FCF1: variants seen among roughly 807,000 people sequenced by gnomAD.
FCF1 encodes the protein FCF1 rRNA-processing protein, also known as rRNA-processing protein FCF1 homolog.
FCF1 carries 17 observed loss-of-function variants against 32.5 expected under a neutral mutation model. The observed-to-expected ratio is 0.52, with a 90% CI of 0.36 to 0.78. FCF1 has a LOEUF of 0.78. FCF1 is among the 30% of genes least tolerant of loss of function. The pLI, the probability that FCF1 is intolerant of heterozygous loss-of-function variation, is 0.00. For missense variants in FCF1, 201 were observed against 241.1 expected (o/e 0.83, Z 1.10); for synonymous variants, 84 against 78.4 (o/e 1.07, Z -0.38).
intron 5 of FCF1, among the ~76,000 whole-genome samples, chr14:74,730,529 T>C (rs1431006113): frequency 6.6e-6 from 1 of 151,990 alleles, no homozygotes; most frequent in East Asian, 1.9e-4. Flanking sequence ...GTCTGACCAA[T>C]GTGGTGAAAC....
In FCF1 at chr14:74,738,340, G is replaced by A. The variant is rs778919788; in HGVS notation, c.*3410G>A. 6.6e-6 allele frequency: 1 copy of A among 152,144 alleles called. No individual in the cohort carries two copies. The highest frequency in any genetic ancestry group is 2.4e-5 in the African/African-American group (1 of 41,420). The allele number at this position is 152,144 out of a possible 1,614,324, so 9.4% of individuals were successfully genotyped here. On this transcript the variant is annotated 3_prime_UTR_variant, in exon 8 of 8. Coordinates refer to ENST00000341162, the MANE Select transcript of FCF1 (RefSeq NM_015962.5). Reference sequence around the variant, plus strand: ...TATTTCTAAGCTATGGAAGCATTAGGAAAATAAATGTAAAGAAAAACGTGT... The same window carrying A: ...TATTTCTAAGCTATGGAAGCATTAGAAAAATAAATGTAAAGAAAAACGTGT...
rs2090413904 is a variant in FCF1, at chr14:74,716,005, T to C, written c.198T>C (p.Pro66=). Reference sequence around the variant, plus strand: ...AATATAATACACAGCTGGGCCCACCTTACCACATCCTCGTTGATACCAACT... The same window carrying C: ...AATATAATACACAGCTGGGCCCACCCTACCACATCCTCGTTGATACCAACT... ...FFQYNTQLGP[P]YHILVDTNFI... The change falls in exon 4 of 8, where the codon CCT becomes CCC. Residue 66 remains proline (P), a synonymous_variant. Coordinates refer to ENST00000341162, the MANE Select transcript of FCF1 (RefSeq NM_015962.5). The C allele has an allele frequency of 6.2e-7, 1 of 1,613,998 alleles. No individual in the cohort carries two copies. The highest frequency in any genetic ancestry group is 2.2e-5 in the East Asian group (1 of 44,872).
In FCF1 at chr14:74,737,611, G is replaced by A. The variant is rs1403697644; in HGVS notation, c.*2681G>A. 6.6e-6 allele frequency: 1 copy of A among 152,108 alleles called. No homozygotes were observed. The highest frequency in any genetic ancestry group is 2.4e-5 in the African/African-American group (1 of 41,430). 9.4% of individuals were successfully genotyped at this position (152,108 alleles called of 1,614,324 possible). ...AAACCTGATAAAGTGAGATTAAATT[G>A]AATAGTACCTGGCCCAAGTAAGTGT... On this transcript the variant is annotated 3_prime_UTR_variant, in exon 8 of 8. Coordinates refer to ENST00000341162, the MANE Select transcript of FCF1 (RefSeq NM_015962.5).
chr14:74,713,716 G>A, intron 2 of FCF1, 164 bp downstream of exon 2: 5 of 639,468 alleles, frequency 7.8e-6, no homozygotes, highest in Non-Finnish European at 1.4e-5. Flanking sequence ...GCTGCTGAGC[G>A]ATCACACTGG....
intron 1 of FCF1, 135 bp from the exon 2 acceptor site, chr14:74,713,350 T>C: frequency 1.3e-6 from 2 of 1,571,426 alleles, no homozygotes; most frequent in Non-Finnish European, 1.7e-6. Context: ...CGGTGACTGT[T>C]ATGCTTTACA....
Position 74,734,893 on chromosome 14 carries a change from A to G in FCF1, c.560A>G (p.Glu187Gly), listed in dbSNP as rs773594020. ...TTTGTCCTGATCAGATACAACATTG[A>G]ACGGATGCCAGATGATTATGGAGCC... ...MYISNHRYNIERMPDDYGAPR... is the reference protein window; with the variant it reads ...MYISNHRYNIGRMPDDYGAPR... Residue 187 changes from glutamate (E) to glycine (G), a missense_variant, in exon 8 of 8, where the codon GAA becomes GGA. Physicochemically the swap from Glu to Gly is moderately conservative, Grantham distance 98. This residue lies in a region of FCF1 where 121 missense variants were observed against 147.8 expected (regional missense o/e 0.82). Transcript: ENST00000341162. 1 of 1,613,846 alleles carries G rather than the reference A, an allele frequency of 6.2e-7. No individual in the cohort carries two copies. The highest frequency in any genetic ancestry group is 8.5e-7 in the Non-Finnish European group (1 of 1,179,824).
chr14:74,731,095 A>G (rs1413041138), intron 5 of FCF1, among the ~76,000 whole-genome samples: 1 of 152,104 alleles, frequency 6.6e-6, no homozygotes, highest in African/African-American at 2.4e-5. Flanking sequence ...TTGGCCTCCT[A>G]AAGTGCTGGG....
rs2090363545 is a variant in FCF1 at position 74,713,514 on chromosome 14, G to A, written c.33G>A (p.Ala11=). 6.2e-7 allele frequency: 1 copy of A among 1,612,246 alleles called. No homozygotes were observed. Among genetic ancestry groups the A allele is most frequent in the South Asian group, 1.1e-5 (1 of 90,994 alleles). The change falls in exon 2 of 8, where the codon GCG becomes GCA. Residue 11 remains alanine (A), a synonymous_variant. Transcript: ENST00000341162. ...AGCAAAAGAAAACAAGGAAGTATGC[G>A]ACCATGAAGCGAATGCTTAGTCTCA... The part of the protein sequence containing the change: MGKQKKTRKY[A]TMKRMLSLRD...
rs764740982 is a variant in FCF1, at chr14:74,715,989, C to T, written c.182C>T (p.Thr61Ile). 6.2e-7 allele frequency: 1 copy of T among 1,613,942 alleles called. No homozygotes were observed. Among genetic ancestry groups the T allele is most frequent in the African/African-American group, 1.3e-5 (1 of 75,032 alleles). ...TCCTGCTTATTTTTCCAATATAATA[C>T]ACAGCTGGGCCCACCTTACCACATC... Reference protein sequence around the residue: ...HPSCLFFQYNTQLGPPYHILV... With the variant: ...HPSCLFFQYNIQLGPPYHILV... Residue 61 changes from threonine (T) to isoleucine (I), a missense_variant, in exon 4 of 8, where the codon ACA becomes ATA. Physicochemically the swap from Thr to Ile is moderately conservative, Grantham distance 89. Coordinates refer to ENST00000341162, the MANE Select transcript of FCF1 (RefSeq NM_015962.5).
Position 74,736,409 on chromosome 14 carries a change from C to CA in FCF1, c.*1494dup, listed in dbSNP as rs878876008. The CA allele has an allele frequency of 0.011, 1,205 of 109,204 alleles. 15 individuals carry two copies. Among genetic ancestry groups the CA allele is most frequent in the African/African-American group, 0.032 (944 of 29,388 alleles). The allele number at this position is 109,204 out of a possible 1,614,324, so 6.8% of individuals were successfully genotyped here. A position where few individuals can be genotyped will look rare whatever the true frequency, so the allele number is the denominator to read the frequency against. ...CCTGGGTGACAGAGTGAGACTGTCT[C>CA]AAAAAAAAAAAAAAATTAATGATGG... On this transcript the variant is annotated 3_prime_UTR_variant, in exon 8 of 8. Transcript: ENST00000341162.
chr14:74,720,201 T>C (rs2090481724), intron 4 of FCF1, among the ~76,000 whole-genome samples: 1 of 152,216 alleles, frequency 6.6e-6, no homozygotes, highest in South Asian at 2.1e-4. Context: ...TATAATTGAC[T>C]CCCTTTACAA....
rs932356758 is a variant in FCF1, at chr14:74,715,060, A to G, written c.143+117A>G. The G allele has an allele frequency of 5.9e-6, 6 of 1,023,596 alleles. No individual in the cohort carries two copies. The African/African-American group carries it at 6.6e-5, about 11-fold the overall frequency. 63.4% of individuals were successfully genotyped at this position (1,023,596 alleles called of 1,614,324 possible). ...TAGTAAGTCTAGCACAACTATGTAG[A>G]TGAAAGTCATATCGATGAGCATATA... On this transcript the variant is annotated intron_variant, in intron 3 of 7. Coordinates refer to ENST00000341162, the MANE Select transcript of FCF1 (RefSeq NM_015962.5).
intron 4 of FCF1, among the ~76,000 whole-genome samples, chr14:74,720,113 G>A (rs1020239546): frequency 5.9e-5 from 9 of 152,080 alleles, no homozygotes; most frequent in African/African-American, 7.2e-5. Flanking sequence ...TTGCAAGAGC[G>A]AAACTCCGTC....
chr14:74,730,737 C>T (rs575157659), intron 5 of FCF1, among the ~76,000 whole-genome samples: 6 of 152,200 alleles, frequency 3.9e-5, no homozygotes, highest in African/African-American at 7.2e-5. Flanking sequence ...CAGTGGCTAA[C>T]GCCTGTAATC....
At chr14:74,732,239 C>G (rs1446771230) in intron 5 of FCF1, among the ~76,000 whole-genome samples, 2 of 151,900 alleles carry the variant, frequency 1.3e-5, no homozygotes, top group African/African-American at 4.8e-5. Context: ...ACAGCTCTAC[C>G]TCACTTTTTA....
intron 4 of FCF1, among the ~76,000 whole-genome samples, chr14:74,719,530 G>A (rs2090472132): frequency 6.6e-6 from 1 of 152,064 alleles, no homozygotes; most frequent in African/African-American, 2.4e-5. Context: ...GGAGGCCAAG[G>A]TGGGTGGATT....
chr14:74,733,555 A>G (rs1316215424), intron 6 of FCF1, among the ~76,000 whole-genome samples: 2 of 152,158 alleles, frequency 1.3e-5, no homozygotes, highest in Admixed American at 1.3e-4. Context: ...GCTAAATATT[A>G]CTGCTTTTAT....
At chr14:74,734,349 A>G (rs1251890102) in intron 7 of FCF1, among the ~76,000 whole-genome samples, 179 bp downstream of exon 7, 1 of 147,016 alleles carries the variant, frequency 6.8e-6, no homozygotes, top group Non-Finnish European at 1.5e-5. Context: ...GATAGGATTT[A>G]AGGAATGAGG....
At chr14:74,729,058 A>G (rs2090604064) in intron 5 of FCF1, among the ~76,000 whole-genome samples, 1 of 152,156 alleles carries the variant, frequency 6.6e-6, no homozygotes, top group Admixed American at 6.5e-5. Context: ...TTGGTCTAAA[A>G]TTCTCTTTTT....
Sources: allele counts gnomAD v4.1 joint callset (sites outside exome capture counted in the v4.1 genomes callset), GRCh38; gene constraint gnomAD v4.1.1; regional missense constraint gnomAD v4.1.1; transcripts MANE v1.5; gene names NCBI Gene and HGNC (gene_info 2026-07-23, HGNC 2026-07-21).